ARMC8: variants seen among roughly 807,000 people sequenced by gnomAD.
ARMC8 encodes the protein armadillo repeat containing 8.
A neutral mutation model predicts 99.3 loss-of-function variants in ARMC8; 20 were observed. The ratio of observed to expected loss-of-function variants is 0.20; its 90% CI spans 0.14 to 0.29. ARMC8 has a LOEUF of 0.29. Ranked by LOEUF, ARMC8 falls within the 10% of genes least tolerant of loss-of-function variation. The pLI, the probability that ARMC8 is intolerant of heterozygous loss-of-function variation, is 1.00. For missense variants in ARMC8, 569 were observed against 809.5 expected (o/e 0.70, Z 3.60); for synonymous variants, 263 against 278.3 (o/e 0.95, Z 0.55).
chr3:138,223,794 G>A (rs1017598813), intron 5 of ARMC8, 61 bp downstream of exon 5: 5 of 1,399,606 alleles, frequency 3.6e-6, no homozygotes, highest in South Asian at 1.2e-5. Context: ...CTCCTAATTT[G>A]CTTAGCATCT....
chr3:138,277,905 A>G (rs2049462351), intron 18 of ARMC8, among the ~76,000 whole-genome samples: 1 of 152,188 alleles, frequency 6.6e-6, no homozygotes, highest in Non-Finnish European at 1.5e-5. Context: ...ATAATGGGAT[A>G]TCACAGTCAC....
intron 15 of ARMC8, among the ~76,000 whole-genome samples, chr3:138,268,182 G>A (rs1004852588): frequency 5.9e-5 from 9 of 152,150 alleles, no homozygotes; most frequent in African/African-American, 1.9e-4. Flanking sequence ...GGCAAAGGTT[G>A]CAGTGAGCTG....
chr3:138,201,084 G>T (rs1198232782), intron 1 of ARMC8, among the ~76,000 whole-genome samples: 2 of 151,620 alleles, frequency 1.3e-5, no homozygotes, highest in Non-Finnish European at 2.9e-5. Flanking sequence ...GACTAATTTT[G>T]TATTTTTAGT....
Position 138,187,449 on chromosome 3 carries a change from A to G in ARMC8, c.-106A>G. The G allele has an allele frequency of 2.5e-6, 3 of 1,220,472 alleles. No individual in the cohort carries two copies. The highest frequency in any genetic ancestry group is 3.5e-6 in the Non-Finnish European group (3 of 866,630). 75.6% of individuals were successfully genotyped at this position (1,220,472 alleles called of 1,614,324 possible). On this transcript the variant is annotated 5_prime_UTR_variant, in exon 1 of 22. Coordinates refer to ENST00000469044, the MANE Select transcript of ARMC8 (RefSeq NM_001363941.2). ...TCCAGAGCGTGGCCAGTTCTCGTCT[A>G]TCTGGCTGCCTTTAGGGAGCGGTGC...
chr3:138,263,909 T>C lies in ARMC8; in HGVS notation c.1217+88T>C, dbSNP rs550554802. ...GGTCCTTCACTGAGTAAACACAGAC[T>C]ACAAATGTTCCTCAAAAATCTGCTC... is the stretch of plus-strand genomic sequence containing the variant. On this transcript the variant is annotated intron_variant, in intron 13 of 21. Coordinates refer to ENST00000469044, the MANE Select transcript of ARMC8 (RefSeq NM_001363941.2). The C allele has an allele frequency of 1.1e-5, 13 of 1,229,746 alleles. No homozygotes were observed. In the African/African-American group the frequency reaches 1.6e-4, roughly 15 times the overall value. 76.2% of individuals were successfully genotyped at this position (1,229,746 alleles called of 1,614,324 possible). A position where few individuals can be genotyped will look rare whatever the true frequency, so the allele number is the denominator to read the frequency against.
chr3:138,232,908 G>A (rs150099966), intron 6 of ARMC8, among the ~76,000 whole-genome samples: 146 of 152,316 alleles, frequency 9.6e-4, no homozygotes, highest in African/African-American at 3.3e-3. Flanking sequence ...CTTCGCTTTT[G>A]CTAAGCTCTG....
chr3:138,280,321 T>TA, intron 18 of ARMC8, among the ~76,000 whole-genome samples: 1 of 150,986 alleles, frequency 6.6e-6, no homozygotes, highest in African/African-American at 2.4e-5. Flanking sequence ...TTATTATTAT[T>TA]ATTATATATA....
At chr3:138,188,908 T>C (rs866327686) in intron 1 of ARMC8, among the ~76,000 whole-genome samples, 1 of 152,226 alleles carries the variant, frequency 6.6e-6, no homozygotes, top group African/African-American at 2.4e-5. Flanking sequence ...ACTAAGGAAA[T>C]ACTGTTTACC....
intron 17 of ARMC8, 96 bp downstream of exon 17, chr3:138,273,212 G>T: frequency 7.9e-7 from 1 of 1,273,608 alleles, no homozygotes; most frequent in South Asian, 1.7e-5. Context: ...ATCTGCCCAT[G>T]AGTGTGATTC....
chr3:138,245,567 T>A, intron 12 of ARMC8: 1 of 1,061,846 alleles, frequency 9.4e-7, no homozygotes, highest in Non-Finnish European at 1.1e-6. Flanking sequence ...TCCAATGCTA[T>A]TGAGAAATTC....
intron 5 of ARMC8, among the ~76,000 whole-genome samples, chr3:138,226,656 T>A (rs2045711935): frequency 6.6e-6 from 1 of 152,194 alleles, no homozygotes. Flanking sequence ...AGTAAGCCAG[T>A]CACCTGTCTT....
chr3:138,214,211 T>C (rs1234572211), intron 2 of ARMC8, among the ~76,000 whole-genome samples: 2 of 151,988 alleles, frequency 1.3e-5, no homozygotes, highest in African/African-American at 4.8e-5. Flanking sequence ...TTTGTTGATA[T>C]TGCTATGTTG....
At chr3:138,274,102 G>T (rs1048131304) in intron 17 of ARMC8, among the ~76,000 whole-genome samples, 1 of 152,154 alleles carries the variant, frequency 6.6e-6, no homozygotes, top group African/African-American at 2.4e-5. Flanking sequence ...ACAGGCGTGA[G>T]CGTACCGTAC....
At chr3:138,194,807 GA>G (rs919050824) in intron 1 of ARMC8, among the ~76,000 whole-genome samples, 21 of 151,594 alleles carry the variant, frequency 1.4e-4, no homozygotes, top group Non-Finnish European at 2.7e-4. Flanking sequence ...CAATAATTAG[GA>G]AAAAAAATTG....
chr3:138,258,792 TTG>T (rs1295858008), intron 12 of ARMC8, among the ~76,000 whole-genome samples: 2 of 152,206 alleles, frequency 1.3e-5, no homozygotes, highest in African/African-American at 4.8e-5. Context: ...GCAACATTTT[TTG>T]TGTTACTTAA....
intron 9 of ARMC8, chr3:138,239,225 T>C (rs971560536): frequency 5.1e-6 from 2 of 394,108 alleles, no homozygotes; most frequent in Non-Finnish European, 4.5e-6. Context: ...TAAAACTATT[T>C]GGTAGGTTTT....
intron 1 of ARMC8, among the ~76,000 whole-genome samples, chr3:138,193,804 A>G (rs1188613924): frequency 6.6e-6 from 1 of 152,244 alleles, no homozygotes; most frequent in African/African-American, 2.4e-5. Flanking sequence ...TAACTTTTAG[A>G]CATAACACCA....
chr3:138,258,801 T>C (rs2047526024), intron 12 of ARMC8, among the ~76,000 whole-genome samples: 1 of 152,230 alleles, frequency 6.6e-6, no homozygotes, highest in South Asian at 2.1e-4. Flanking sequence ...TTTGTGTTAC[T>C]TAATTCTGTA....
At chr3:138,191,473 T>C (rs1226772456) in intron 1 of ARMC8, among the ~76,000 whole-genome samples, 3 of 152,232 alleles carry the variant, frequency 2.0e-5, no homozygotes, top group East Asian at 1.9e-4. Context: ...TTACATCTTA[T>C]ATAGTTACAT....
Sources: gnomAD v4.1 joint callset for allele counts (sites outside exome capture counted in the v4.1 genomes callset) on GRCh38, gnomAD v4.1.1 for gene constraint, MANE v1.5 for transcripts, NCBI Gene and HGNC (gene_info 2026-07-23, HGNC 2026-07-21) for gene names.